The following ANKFN1 variants were observed in gnomAD, a reference collection of about 807,000 sequenced individuals.
ANKFN1 encodes the protein ankyrin repeat and fibronectin type-III domain-containing protein 1.
Under a neutral mutation model 108.7 loss-of-function variants are expected in ANKFN1, and 74 were observed. The ratio of observed to expected loss-of-function variants is 0.68; its 90% CI spans 0.56 to 0.83. ANKFN1 has a LOEUF of 0.83. ANKFN1 is among the 40% of genes least tolerant of loss of function. ANKFN1 has a pLI of 0.00. For synonymous variants in ANKFN1, 547 were observed against 516.2 expected, an observed-to-expected ratio of 1.06 and a Z score of -0.81; for missense variants, 1,505 against 1,382.3, an observed-to-expected ratio of 1.09 and a Z score of -1.41.
At chr17:56,352,931 A>G (rs1244370847) in intron 5 of ANKFN1, among the ~76,000 whole-genome samples, 2 of 152,200 alleles carry the variant, frequency 1.3e-5, no homozygotes, top group Non-Finnish European at 2.9e-5. Flanking sequence ...ACATGAGATG[A>G]CAATGTAGAG....
At chr17:56,232,349 G>T (rs1297142925) in intron 3 of ANKFN1, among the ~76,000 whole-genome samples, 2 of 152,052 alleles carry the variant, frequency 1.3e-5, no homozygotes, top group Admixed American at 6.6e-5. Flanking sequence ...TCTCGTTCTG[G>T]TGTGTTAGTT....
chr17:56,284,842 G>C (rs1458245589), intron 3 of ANKFN1, among the ~76,000 whole-genome samples: 1 of 152,100 alleles, frequency 6.6e-6, no homozygotes, highest in Non-Finnish European at 1.5e-5. Flanking sequence ...CTAAAGAGAG[G>C]CTTCATTAGT....
chr17:56,297,860 CTG>C (rs1200910640), intron 3 of ANKFN1, among the ~76,000 whole-genome samples: 1 of 152,148 alleles, frequency 6.6e-6, no homozygotes, highest in Non-Finnish European at 1.5e-5. Context: ...CTGTACAACA[CTG>C]GGGAGTGGTT....
At chr17:56,107,037 T>C (rs979891838) in intron 4 of ANKFN1, among the ~76,000 whole-genome samples, 3 of 152,180 alleles carry the variant, frequency 2.0e-5, no homozygotes, top group African/African-American at 7.2e-5. Flanking sequence ...GAAAATCATA[T>C]AATCCAGGGG....
At chr17:56,346,662 T>C (rs186395392) in intron 4 of ANKFN1, among the ~76,000 whole-genome samples, 3 of 152,172 alleles carry the variant, frequency 2.0e-5, no homozygotes, top group East Asian at 1.9e-4. Flanking sequence ...ATTTTTGCTA[T>C]GGTTCTCTTT....
intron 3 of ANKFN1, among the ~76,000 whole-genome samples, chr17:56,315,238 A>G (rs910811001): frequency 6.6e-6 from 1 of 152,192 alleles, no homozygotes; most frequent in Non-Finnish European, 1.5e-5. Flanking sequence ...AGCATGATTC[A>G]TTCTCTCTCT....
At chr17:56,052,875 G>A (rs892898521) in intron 4 of ANKFN1, among the ~76,000 whole-genome samples, 4 of 152,128 alleles carry the variant, frequency 2.6e-5, no homozygotes, top group Non-Finnish European at 4.4e-5. Flanking sequence ...AGAGAAAAGG[G>A]TCTCATGCCA....
At chr17:56,428,125 T>A (rs2048630570) in intron 8 of ANKFN1, among the ~76,000 whole-genome samples, 1 of 151,678 alleles carries the variant, frequency 6.6e-6, no homozygotes, top group African/African-American at 2.4e-5. Flanking sequence ...TCCCAGCTAC[T>A]CAGGAGGCTG....
intron 8 of ANKFN1, among the ~76,000 whole-genome samples, chr17:56,423,747 T>C (rs1034662103): frequency 1.3e-5 from 2 of 152,216 alleles, no homozygotes; most frequent in Non-Finnish European, 2.9e-5. Flanking sequence ...TAGTTGGTCA[T>C]TGGCACTTCA....
At chr17:56,484,006 G>A (rs540178561) in intron 18 of ANKFN1, among the ~76,000 whole-genome samples, 3 of 152,314 alleles carry the variant, frequency 2.0e-5, no homozygotes, top group Admixed American at 6.5e-5. Flanking sequence ...AAGAAGATAT[G>A]AGAAAGCCTT....
chr17:56,466,337 G>C lies in ANKFN1; in HGVS notation c.1558-19G>C. The C allele has an allele frequency of 6.2e-7, 1 of 1,608,060 alleles. No homozygotes were observed. Among genetic ancestry groups the C allele is most frequent in the South Asian group, 1.1e-5 (1 of 90,960 alleles). ...TAGCATAATACCCTCTATGCTACCGGTAATCCATTTGTTTCCAGAATTTAC... is the reference window on the plus strand; with the variant it reads ...TAGCATAATACCCTCTATGCTACCGCTAATCCATTTGTTTCCAGAATTTAC... On this transcript the variant is annotated intron_variant, in intron 14 of 20. Coordinates refer to ENST00000682825, the MANE Select transcript of ANKFN1 (RefSeq NM_001370326.1).
chr17:56,426,033 G>A (rs1170994588), intron 8 of ANKFN1, among the ~76,000 whole-genome samples: 1 of 152,174 alleles, frequency 6.6e-6, no homozygotes, highest in African/African-American at 2.4e-5. Context: ...CCAGCAATTA[G>A]CTTGGAATTG....
chr17:56,355,133 C>T (rs2046341120), intron 6 of ANKFN1, among the ~76,000 whole-genome samples: 2 of 152,044 alleles, frequency 1.3e-5, no homozygotes, highest in Admixed American at 1.3e-4. Flanking sequence ...ATGATAAATG[C>T]ATGAGGTTAT....
intron 3 of ANKFN1, among the ~76,000 whole-genome samples, chr17:56,280,559 C>G (rs550487159): frequency 6.6e-6 from 1 of 152,156 alleles, no homozygotes; most frequent in African/African-American, 2.4e-5. Flanking sequence ...TTCTCTGGTT[C>G]TCCAGCTTGC....
chr17:56,296,615 C>T (rs1054789445), intron 3 of ANKFN1, among the ~76,000 whole-genome samples: 5 of 151,994 alleles, frequency 3.3e-5, no homozygotes, highest in African/African-American at 7.2e-5. Flanking sequence ...ACCCAGGAGT[C>T]GGAGGTTGCA....
intron 19 of ANKFN1, among the ~76,000 whole-genome samples, chr17:56,497,011 A>G (rs1326937486): frequency 6.6e-6 from 1 of 152,154 alleles, no homozygotes; most frequent in Non-Finnish European, 1.5e-5. Context: ...TTTTGAGTAC[A>G]TACCTACTCT....
chr17:56,050,660 C>T (rs1904759192), intron 4 of ANKFN1, among the ~76,000 whole-genome samples: 1 of 151,484 alleles, frequency 6.6e-6, no homozygotes, highest in Admixed American at 6.6e-5. Context: ...ATCCTTTCCC[C>T]ATTGCTTGTT....
intron 3 of ANKFN1, among the ~76,000 whole-genome samples, chr17:56,320,897 T>A (rs560171891): frequency 6.6e-6 from 1 of 152,244 alleles, no homozygotes; most frequent in Admixed American, 6.5e-5. Context: ...CGAAGAGTCT[T>A]TTTGAATGCA....
intron 5 of ANKFN1, among the ~76,000 whole-genome samples, 188 bp from the exon 6 acceptor site, chr17:56,353,648 G>A (rs958011212): frequency 6.6e-6 from 1 of 152,154 alleles, no homozygotes; most frequent in Non-Finnish European, 1.5e-5. Flanking sequence ...CTTATTCAAT[G>A]TCCATTAGAA....
Sources: allele counts gnomAD v4.1 joint callset (sites outside exome capture counted in the v4.1 genomes callset), GRCh38; gene constraint gnomAD v4.1.1; transcripts MANE v1.5; gene names NCBI Gene and HGNC (gene_info 2026-07-23, HGNC 2026-07-21).